Variants in RB1 observed in about 807,000 individuals in gnomAD.
The protein encoded by RB1 is retinoblastoma-associated protein.
Under a neutral mutation model 135.4 loss-of-function variants are expected in RB1, and 18 were observed. The observed-to-expected ratio is 0.13, with a 90% CI of 0.09 to 0.20. The LOEUF is 0.20. Ranked by LOEUF, RB1 falls within the 10% of genes least tolerant of loss-of-function variation. The probability of loss-of-function intolerance (pLI) is 1.00; values close to 1 mark genes in which losing one functional copy is unlikely to be tolerated. For synonymous variants in RB1, 365 were observed against 373.2 expected (o/e 0.98, Z 0.25); for missense variants, 868 against 1,110.0 (o/e 0.78, Z 3.10).
chr13:48,351,742 C>T (rs1219405727), intron 6 of RB1, among the ~76,000 whole-genome samples: 1 of 151,764 alleles, frequency 6.6e-6, no homozygotes, highest in Non-Finnish European at 1.5e-5. Context: ...GGCACAATCT[C>T]GGCTCACTGC....
At chr13:48,475,683 G>A (rs1396020368) in intron 24 of RB1, among the ~76,000 whole-genome samples, 4 of 152,192 alleles carry the variant, frequency 2.6e-5, no homozygotes, top group African/African-American at 9.7e-5. Context: ...ACGAGGGGAG[G>A]AGGATCACAC....
chr13:48,449,109 GT>G (rs201314175), intron 17 of RB1, among the ~76,000 whole-genome samples: 3 of 150,638 alleles, frequency 2.0e-5, no homozygotes, highest in East Asian at 2.0e-4. Flanking sequence ...CGTAATCGCC[GT>G]TTTTTTTTCT....
At chr13:48,335,005 T>TA (rs1952370262) in intron 2 of RB1, among the ~76,000 whole-genome samples, 1 of 152,170 alleles carries the variant, frequency 6.6e-6, no homozygotes, top group Non-Finnish European at 1.5e-5. Flanking sequence ...GTAGATAATT[T>TA]AAAAAATGTA....
At chr13:48,341,570 C>A (rs572040637) in intron 2 of RB1, among the ~76,000 whole-genome samples, 5 of 152,050 alleles carry the variant, frequency 3.3e-5, no homozygotes, top group Admixed American at 3.3e-4. Flanking sequence ...CCTCACTGAC[C>A]CTTGATATTG....
chr13:48,392,274 C>G (rs541133917), intron 17 of RB1, among the ~76,000 whole-genome samples: 2 of 152,036 alleles, frequency 1.3e-5, no homozygotes, highest in African/African-American at 4.8e-5. Context: ...CCATGCCCGG[C>G]TAATTTTTGT....
chr13:48,346,956 GTT>G (rs11352741), intron 4 of RB1, among the ~76,000 whole-genome samples: 1 of 147,072 alleles, frequency 6.8e-6, no homozygotes, highest in African/African-American at 2.5e-5. Context: ...AATCATCAGG[GTT>G]TTTTTTTTTC....
At chr13:48,358,813 C>T (rs1280645491) in intron 6 of RB1, among the ~76,000 whole-genome samples, 3 of 152,058 alleles carry the variant, frequency 2.0e-5, no homozygotes, top group Non-Finnish European at 4.4e-5. Flanking sequence ...CACTTTAATA[C>T]CTAATAAAAT....
At chr13:48,366,631 A>G (rs1952702136) in intron 9 of RB1, among the ~76,000 whole-genome samples, 1 of 152,196 alleles carries the variant, frequency 6.6e-6, no homozygotes, top group African/African-American at 2.4e-5. Context: ...AGCAATTGAA[A>G]AAGTATCTAA....
At chr13:48,441,715 A>C (rs934303140) in intron 17 of RB1, among the ~76,000 whole-genome samples, 4 of 152,222 alleles carry the variant, frequency 2.6e-5, no homozygotes, top group African/African-American at 9.7e-5. Context: ...AGCACTAGGA[A>C]TAGGTTAAAC....
At chr13:48,394,394 C>A (rs369132190) in intron 17 of RB1, among the ~76,000 whole-genome samples, 1 of 152,110 alleles carries the variant, frequency 6.6e-6, no homozygotes, top group Non-Finnish European at 1.5e-5. Context: ...GGAATGACAG[C>A]GAGTTAGAAC....
intron 26 of RB1, among the ~76,000 whole-genome samples, chr13:48,479,655 AT>A (rs368203524): frequency 0.011 from 1,684 of 149,828 alleles, 39 homozygotes; most frequent in East Asian, 0.035. Context: ...TGGGGAGGGA[AT>A]TTTTTTTTTA....
intron 2 of RB1, chr13:48,318,601 C>T (rs928898533): frequency 2.8e-5 from 17 of 613,704 alleles, no homozygotes; most frequent in East Asian, 9.2e-5. Context: ...TGGCCGGGCA[C>T]GGCTCACGCC....
intron 17 of RB1, among the ~76,000 whole-genome samples, chr13:48,448,475 A>G (rs180910504): frequency 1.3e-5 from 2 of 152,338 alleles, no homozygotes; most frequent in East Asian, 3.9e-4. Context: ...GTGAGTCACT[A>G]TTACAGATAA....
intron 17 of RB1, among the ~76,000 whole-genome samples, chr13:48,418,710 A>C (rs1158425277): frequency 8.3e-6 from 1 of 120,064 alleles, no homozygotes; most frequent in East Asian, 2.3e-4. Context: ...AATGGAAAGC[A>C]AAAAAAAAAA....
At chr13:48,400,608 A>G (rs1394941862) in intron 17 of RB1, among the ~76,000 whole-genome samples, 2 of 152,106 alleles carry the variant, frequency 1.3e-5, no homozygotes, top group East Asian at 3.8e-4. Context: ...CTGGAAGTGT[A>G]AACACTGCTA....
intron 2 of RB1, among the ~76,000 whole-genome samples, chr13:48,339,367 C>A (rs555535975): frequency 1.3e-5 from 2 of 152,356 alleles, no homozygotes; most frequent in East Asian, 3.9e-4. Flanking sequence ...CAAGCTTCAG[C>A]AATGGCGGGC....
At chr13:48,385,675 A>G (rs1375728338) in intron 17 of RB1, among the ~76,000 whole-genome samples, 1 of 152,238 alleles carries the variant, frequency 6.6e-6, no homozygotes, top group Non-Finnish European at 1.5e-5. Flanking sequence ...TGTGTGTCAC[A>G]GACTCAGAGC....
intron 2 of RB1, chr13:48,340,904 T>C (rs1952437417): frequency 6.5e-6 from 1 of 152,998 alleles, no homozygotes; most frequent in Non-Finnish European, 1.5e-5. Context: ...GTATGTAACA[T>C]AGTTTCAAAA....
chr13:48,311,335 C>T (rs950161111), intron 2 of RB1, among the ~76,000 whole-genome samples: 5 of 152,162 alleles, frequency 3.3e-5, no homozygotes, highest in African/African-American at 1.2e-4. Context: ...TAAATACAGT[C>T]ATGTGTTGCT....
Sources: allele counts gnomAD v4.1 joint callset (sites outside exome capture counted in the v4.1 genomes callset), GRCh38; gene constraint gnomAD v4.1.1; transcripts MANE v1.5; gene names NCBI Gene and HGNC (gene_info 2026-07-23, HGNC 2026-07-21).